PCDH9: variants seen among roughly 807,000 people sequenced by gnomAD.
PCDH9 encodes protocadherin 9.
In PCDH9, 24 loss-of-function variants were observed where a neutral mutation model predicts 70.6. That is an observed-to-expected ratio of 0.34 (90% CI 0.25 to 0.48). The LOEUF (loss-of-function observed/expected upper bound fraction) is 0.48. Among genes scored for constraint, PCDH9 ranks in the 20% least tolerant of loss-of-function variants. The probability of loss-of-function intolerance (pLI) is 0.99; values close to 1 mark genes in which losing one functional copy is unlikely to be tolerated. For synonymous variants in PCDH9, 562 were observed against 558.5 expected, an observed-to-expected ratio of 1.01 and a Z score of -0.09; for missense variants, 1,281 against 1,503.6, an observed-to-expected ratio of 0.85 and a Z score of 2.45.
chr13:66,892,916 C>T (rs1330771834), intron 3 of PCDH9, among the ~76,000 whole-genome samples: 2 of 151,974 alleles, frequency 1.3e-5, no homozygotes, highest in African/African-American at 4.8e-5. Context: ...TTCTGATTTG[C>T]ATGTTGTTTA....
At chr13:66,694,823 G>T (rs182347702) in intron 3 of PCDH9, among the ~76,000 whole-genome samples, 1 of 151,450 alleles carries the variant, frequency 6.6e-6, no homozygotes, top group South Asian at 2.1e-4. Flanking sequence ...GCATATCCAA[G>T]CACATTTCAG....
At chr13:66,549,472 T>C (rs1221998788) in intron 4 of PCDH9, among the ~76,000 whole-genome samples, 2 of 152,132 alleles carry the variant, frequency 1.3e-5, no homozygotes, top group East Asian at 1.9e-4. Context: ...TAATAAACTG[T>C]ACATATACCG....
At chr13:66,972,240 G>T (rs771800255) in intron 2 of PCDH9, among the ~76,000 whole-genome samples, 7 of 151,862 alleles carry the variant, frequency 4.6e-5, no homozygotes, top group Non-Finnish European at 8.8e-5. Context: ...ATTACTGAAA[G>T]ATATTCATAG....
At chr13:66,874,080 AC>A (rs1200142385) in intron 3 of PCDH9, among the ~76,000 whole-genome samples, 1 of 151,934 alleles carries the variant, frequency 6.6e-6, no homozygotes, top group Non-Finnish European at 1.5e-5. Context: ...AGCTGTGGCT[AC>A]AGGTGTGTGC....
chr13:67,092,083 T>C (rs1328885431), intron 2 of PCDH9, among the ~76,000 whole-genome samples: 1 of 152,210 alleles, frequency 6.6e-6, no homozygotes, highest in Non-Finnish European at 1.5e-5. Flanking sequence ...GACTTGATAT[T>C]CTATGCTAAT....
At chr13:66,450,725 A>C (rs1359847354) in intron 4 of PCDH9, among the ~76,000 whole-genome samples, 11 of 152,156 alleles carry the variant, frequency 7.2e-5, no homozygotes. Flanking sequence ...GGGTATTAAA[A>C]TTCACTCAGG....
chr13:66,714,418 C>T (rs543343460), intron 3 of PCDH9, among the ~76,000 whole-genome samples: 1 of 150,510 alleles, frequency 6.6e-6, no homozygotes, highest in African/African-American at 2.4e-5. Flanking sequence ...GAGCCAAGAT[C>T]GTGCCACTGC....
intron 3 of PCDH9, among the ~76,000 whole-genome samples, chr13:66,748,305 T>C (rs1201428754): frequency 6.6e-6 from 1 of 152,226 alleles, no homozygotes; most frequent in Admixed American, 6.5e-5. Flanking sequence ...ATGAGATAAA[T>C]TTTATTTCAT....
chr13:66,505,351 T>C (rs1339977750), intron 4 of PCDH9, among the ~76,000 whole-genome samples: 1 of 151,728 alleles, frequency 6.6e-6, no homozygotes, highest in Non-Finnish European at 1.5e-5. Context: ...ACATCTTACA[T>C]GGCAGCAGGC....
At chr13:66,963,684 G>A (rs892726529) in intron 2 of PCDH9, among the ~76,000 whole-genome samples, 1 of 152,122 alleles carries the variant, frequency 6.6e-6, no homozygotes, top group African/African-American at 2.4e-5. Flanking sequence ...CATGGGTTAA[G>A]CAAAAGCTAC....
Position 66,463,124 on chromosome 13 carries a change from C to A in PCDH9, c.3341-158096G>T, listed in dbSNP as rs956002830. Among the ~76,000 whole-genome samples, 48 of 151,722 alleles carry A rather than the reference C, an allele frequency of 3.2e-4. 1 individual carries two copies. The highest frequency in any genetic ancestry group is 2.9e-5 in the Non-Finnish European group (2 of 67,798). On this transcript the variant is annotated intron_variant, in intron 4 of 4. Transcript: ENST00000377865. Reference sequence around the variant, plus strand: ...TTGGTGGAAGAAGTAACTTAATCACCTAAGTGATACTTTGTAAGGAAGAGA... The same window carrying A: ...TTGGTGGAAGAAGTAACTTAATCACATAAGTGATACTTTGTAAGGAAGAGA...
At chr13:67,184,100 C>A (rs1023299498) in intron 2 of PCDH9, among the ~76,000 whole-genome samples, 5 of 151,956 alleles carry the variant, frequency 3.3e-5, no homozygotes, top group African/African-American at 9.7e-5. Flanking sequence ...ATGTTTCATG[C>A]GCAAAAAATA....
intron 4 of PCDH9, among the ~76,000 whole-genome samples, chr13:66,592,426 G>A (rs2077050080): frequency 6.6e-6 from 1 of 151,662 alleles, no homozygotes; most frequent in African/African-American, 2.4e-5. Flanking sequence ...TTTTCAGAGT[G>A]CAGTACTACT....
intron 2 of PCDH9, among the ~76,000 whole-genome samples, chr13:67,178,137 A>C (rs1163029279): frequency 6.6e-6 from 1 of 152,028 alleles, no homozygotes; most frequent in East Asian, 1.9e-4. Context: ...ACTGCAGATG[A>C]TATTATGTCT....
intron 4 of PCDH9, among the ~76,000 whole-genome samples, chr13:66,602,714 T>C (rs2077178501): frequency 6.9e-6 from 1 of 145,830 alleles, no homozygotes; most frequent in South Asian, 2.2e-4. Flanking sequence ...TTACATAGTC[T>C]ACCTTAGTGC....
chr13:66,825,207 AT>A (rs918750245), intron 3 of PCDH9: 4 of 149,144 alleles, frequency 2.7e-5, no homozygotes, highest in African/African-American at 5.0e-5. Flanking sequence ...ATGTATATAT[AT>A]TTTTTCTTCT....
At chr13:66,596,877 C>CT (rs1328436866) in intron 4 of PCDH9, among the ~76,000 whole-genome samples, 93 of 136,416 alleles carry the variant, frequency 6.8e-4, no homozygotes, top group East Asian at 1.7e-3. Context: ...CATGGCTATT[C>CT]TTTTTTTTTT....
chr13:66,316,192 C>T (rs1200535), intron 4 of PCDH9, among the ~76,000 whole-genome samples: 2,606 of 152,266 alleles, frequency 0.017, 72 homozygotes, highest in African/African-American at 0.059. Context: ...TTTGATTACA[C>T]GGAGCCACCT....
intron 2 of PCDH9, among the ~76,000 whole-genome samples, chr13:67,167,458 A>G (rs2088150660): frequency 1.3e-5 from 2 of 152,178 alleles, no homozygotes; most frequent in Admixed American, 6.5e-5. Flanking sequence ...CATAAATTCA[A>G]ATTACTCTTT....
Sources: allele counts gnomAD v4.1 joint callset (sites outside exome capture counted in the v4.1 genomes callset), GRCh38; gene constraint gnomAD v4.1.1; transcripts MANE v1.5; gene names NCBI Gene and HGNC (gene_info 2026-07-23, HGNC 2026-07-21).